The following ATP2B2 variants were observed in gnomAD, a reference collection of about 807,000 sequenced individuals.
The protein encoded by ATP2B2 is plasma membrane calcium-transporting ATPase 2.
Under a neutral mutation model 120.0 loss-of-function variants are expected in ATP2B2, and 15 were observed. The observed-to-expected ratio is 0.12, with a 90% confidence interval of 0.08 to 0.19. The LOEUF (loss-of-function observed/expected upper bound fraction) is 0.19, where lower values mean the gene tolerates loss of function less well. Ranked by LOEUF, ATP2B2 falls within the 10% of genes least tolerant of loss-of-function variation. ATP2B2 has a pLI of 1.00. For missense variants in ATP2B2, 1,045 were observed against 1,719.8 expected (o/e 0.61, Z 6.94); for synonymous variants, 694 against 700.3 (o/e 0.99, Z 0.14).
intron 2 of ATP2B2, among the ~76,000 whole-genome samples, chr3:10,610,758 T>C (rs1290792682): frequency 6.6e-6 from 1 of 152,190 alleles, no homozygotes; most frequent in East Asian, 1.9e-4. Context: ...TTTCATGCTA[T>C]AAAGATTTGG....
chr3:10,419,699 C>G (rs2062908270), intron 2 of ATP2B2, among the ~76,000 whole-genome samples: 1 of 152,162 alleles, frequency 6.6e-6, no homozygotes, highest in Admixed American at 6.5e-5. Flanking sequence ...TGTTGAGCAC[C>G]CATTATGCAG....
intron 5 of ATP2B2, among the ~76,000 whole-genome samples, chr3:10,396,943 G>C (rs1032127297): frequency 6.6e-6 from 1 of 152,192 alleles, no homozygotes; most frequent in Non-Finnish European, 1.5e-5. Flanking sequence ...CCTCACCCAA[G>C]GAATGGGGAA....
rs999654083 is a variant in ATP2B2, at chr3:10,567,623, A to T, written c.-414-33490T>A. Among the ~76,000 whole-genome samples, 4 of 152,332 alleles carry T rather than the reference A, an allele frequency of 2.6e-5. No homozygotes were observed. In the East Asian group the frequency reaches 5.8e-4, roughly 22 times the overall value. On this transcript the variant is annotated intron_variant, in intron 2 of 21. Coordinates refer to the ATP2B2 transcript ENST00000646379. ...GATCATTGTGAAAATTTCATGAGAA[A>T]ATTCATGCAAAGTGTTTTCCACAGG...
chr3:10,376,032 C>T (rs755784817), intron 10 of ATP2B2, among the ~76,000 whole-genome samples: 2 of 152,160 alleles, frequency 1.3e-5, no homozygotes, highest in Non-Finnish European at 2.9e-5. Context: ...ACAATAATGA[C>T]GTGAAGTTGG....
intron 1 of ATP2B2, among the ~76,000 whole-genome samples, chr3:10,624,096 T>A (rs2069625559): frequency 6.6e-6 from 1 of 152,232 alleles, no homozygotes; most frequent in South Asian, 2.1e-4. Flanking sequence ...TGACTAAGGC[T>A]CTGATAAGTC....
At chr3:10,550,402 T>C (rs1199132076) in intron 2 of ATP2B2, among the ~76,000 whole-genome samples, 2 of 152,230 alleles carry the variant, frequency 1.3e-5, no homozygotes, top group Non-Finnish European at 2.9e-5. Flanking sequence ...CTTAACTATA[T>C]AATAAATTTT....
chr3:10,517,902 G>A (rs1003218303), intron 3 of ATP2B2, among the ~76,000 whole-genome samples: 4 of 152,222 alleles, frequency 2.6e-5, no homozygotes, highest in Non-Finnish European at 4.4e-5. Context: ...GCTGCAGATA[G>A]GATGACCTCA....
intron 18 of ATP2B2, among the ~76,000 whole-genome samples, chr3:10,344,749 T>C (rs746493560): frequency 3.3e-5 from 5 of 152,164 alleles, no homozygotes; most frequent in Non-Finnish European, 5.9e-5. Flanking sequence ...ATCATCACAG[T>C]TCCCACCTCA....
chr3:10,621,636 G>C (rs1453603156), intron 1 of ATP2B2, among the ~76,000 whole-genome samples: 2 of 152,244 alleles, frequency 1.3e-5, no homozygotes, highest in South Asian at 4.1e-4. Context: ...AGGAGACGGG[G>C]AGTTAGCTCC....
intron 1 of ATP2B2, among the ~76,000 whole-genome samples, chr3:10,653,748 A>G (rs1189453708): frequency 6.6e-6 from 1 of 152,176 alleles, no homozygotes; most frequent in Non-Finnish European, 1.5e-5. Flanking sequence ...CAGAGGGGGA[A>G]ACCTAGGCTT....
At chr3:10,354,085 C>T (rs1049499108) in intron 14 of ATP2B2, among the ~76,000 whole-genome samples, 1 of 152,220 alleles carries the variant, frequency 6.6e-6, no homozygotes, top group Non-Finnish European at 1.5e-5. Context: ...GAATGCCCTT[C>T]CTCCCTTAGC....
In ATP2B2 at chr3:10,340,156, C is replaced by T. The variant is rs919845618; in HGVS notation, c.3237+86G>A. The T allele has an allele frequency of 2.7e-5, 36 of 1,342,044 alleles. No homozygotes were observed. The highest frequency in any genetic ancestry group is 3.6e-5 in the Non-Finnish European group (34 of 945,984). The allele number at this position is 1,342,044 out of a possible 1,614,324, so 83.1% of individuals were successfully genotyped here. ...GGAGCTTGCCTGGGGTCTGGCAGCC[C>T]ATTCCTGGGGGTCCTGGATTCTCCA... On this transcript the variant is annotated intron_variant, in intron 21 of 22. Coordinates refer to ENST00000360273, the MANE Select transcript of ATP2B2 (RefSeq NM_001001331.4). The surrounding 1 kb of genome is among the most constrained non-coding windows in gnomAD (Gnocchi z 5.0).
intron 2 of ATP2B2, among the ~76,000 whole-genome samples, chr3:10,540,233 G>A (rs1345882697): frequency 6.6e-6 from 1 of 152,168 alleles, no homozygotes; most frequent in Non-Finnish European, 1.5e-5. Flanking sequence ...GTGCTGGAGA[G>A]GATGTAGAGA....
At chr3:10,689,298 C>G (rs929149489) in intron 1 of ATP2B2, among the ~76,000 whole-genome samples, 1 of 152,138 alleles carries the variant, frequency 6.6e-6, no homozygotes. Flanking sequence ...AGGTATGAAG[C>G]TTGCCTTTGC....
chr3:10,706,246 A>G (rs995274278), intron 1 of ATP2B2, among the ~76,000 whole-genome samples: 2 of 152,228 alleles, frequency 1.3e-5, no homozygotes. Context: ...TCTGTTGCCA[A>G]TAGTACCCCT....
chr3:10,459,789 T>A (rs1394914990), intron 1 of ATP2B2, among the ~76,000 whole-genome samples: 1 of 152,264 alleles, frequency 6.6e-6, no homozygotes, highest in Non-Finnish European at 1.5e-5. Flanking sequence ...TTCACAACGA[T>A]GCTTTGCACT....
At chr3:10,465,762 C>T (rs1423534297) in intron 1 of ATP2B2, among the ~76,000 whole-genome samples, 1 of 152,212 alleles carries the variant, frequency 6.6e-6, no homozygotes, top group African/African-American at 2.4e-5. Flanking sequence ...GGAGCTGCCA[C>T]CTCTGTTTCT....
At chr3:10,611,461 G>T (rs2069236319) in intron 2 of ATP2B2, among the ~76,000 whole-genome samples, 7 of 150,070 alleles carry the variant, frequency 4.7e-5, no homozygotes, top group Admixed American at 4.6e-4. Context: ...GCTCTCTCTT[G>T]CTTCAGTCCT....
chr3:10,571,065 C>T (rs1033582840), intron 2 of ATP2B2, among the ~76,000 whole-genome samples: 12 of 152,208 alleles, frequency 7.9e-5, no homozygotes, highest in Admixed American at 6.5e-5. Flanking sequence ...TCTGCATCTC[C>T]GTTGCTCTAA....
Sources: gnomAD v4.1 joint callset for allele counts (sites outside exome capture counted in the v4.1 genomes callset) on GRCh38, gnomAD v4.1.1 for gene constraint, Gnocchi (gnomAD v3.1) non-coding constraint, MANE v1.5 for transcripts, NCBI Gene and HGNC (gene_info 2026-07-23, HGNC 2026-07-21) for gene names.